SRC: variants seen among roughly 807,000 people sequenced by gnomAD.
SRC encodes proto-oncogene tyrosine-protein kinase Src.
In SRC, 13 loss-of-function variants were observed where a neutral mutation model predicts 62.9. That is an observed-to-expected ratio of 0.21 (90% CI 0.13 to 0.33). SRC has a LOEUF of 0.33. Among genes scored for constraint, SRC ranks in the 10% least tolerant of loss-of-function variants. The pLI is 1.00. For synonymous variants in SRC, 302 were observed against 317.5 expected, an observed-to-expected ratio of 0.95 and a Z score of 0.52; for missense variants, 457 against 737.3, an observed-to-expected ratio of 0.62 and a Z score of 4.40.
At chr20:37,368,530 T>TTTTGTTTTTTTTTG (rs2070106660) in intron 2 of SRC, among the ~76,000 whole-genome samples, 1 of 121,014 alleles carries the variant, frequency 8.3e-6, no homozygotes, top group Admixed American at 8.2e-5. Context: ...TTTTTTTTTT[T>TTTTGTTTTTTTTTG]TTTTTTTTTT....
Position 37,402,191 on chromosome 20 carries a change from A to G in SRC, c.1117-244A>G. ...CACCTCGCTTTCCTGGCTGCATCGG[A>G]TCTCGTGCCTCCCCTTTGACCTTTG... On this transcript the variant is annotated intron_variant, in intron 11 of 13. Transcript: ENST00000373578. This position sits in a 1 kb window ranked among gnomAD's most constrained non-coding sequence, Gnocchi z 6.2. 2.2e-6 allele frequency: 1 copy of G among 456,632 alleles called. No individual in the cohort carries two copies. The highest frequency in any genetic ancestry group is 3.9e-6 in the Non-Finnish European group (1 of 258,890). The allele number at this position is 456,632 out of a possible 1,614,324, so 28.3% of individuals were successfully genotyped here.
At chr20:37,365,642 G>A (rs1022228727) in intron 2 of SRC, among the ~76,000 whole-genome samples, 11 of 151,854 alleles carry the variant, frequency 7.2e-5, no homozygotes, top group Non-Finnish European at 1.3e-4. Flanking sequence ...CTGTAGTGCA[G>A]TGTCACAATC....
chr20:37,373,159 C>CATATAT (rs2070201514), intron 2 of SRC, among the ~76,000 whole-genome samples: 2 of 113,666 alleles, frequency 1.8e-5, no homozygotes, highest in African/African-American at 9.7e-5. Flanking sequence ...TACACACATA[C>CATATAT]ACACATATAT....
chr20:37,349,975 C>G (rs1956440271), intron 1 of SRC, among the ~76,000 whole-genome samples: 4 of 152,234 alleles, frequency 2.6e-5, no homozygotes, highest in Admixed American at 2.6e-4. Flanking sequence ...TGCCAAGTGA[C>G]AGGGCCAGGC....
At chr20:37,346,832 C>T (rs1160736282) in intron 1 of SRC, among the ~76,000 whole-genome samples, 1 of 152,238 alleles carries the variant, frequency 6.6e-6, no homozygotes, top group Non-Finnish European at 1.5e-5. Flanking sequence ...CTGCCCACAG[C>T]CCCCAGCCTC....
Position 37,396,154 on chromosome 20 carries a change from C to T in SRC, c.554-8C>T. On this transcript the variant is annotated splice_region_variant and splice_polypyrimidine_tract_variant and intron_variant, in intron 7 of 13. Transcript: ENST00000373578. The surrounding 1 kb of genome is among the most constrained non-coding windows in gnomAD (Gnocchi z 6.1). ...ATGGCGGTCACGGCTCCCCTCGGTG[C>T]CCCGCAGGTGCCTACTGCCTCTCAG... 1.2e-6 allele frequency: 2 copies of T among 1,610,736 alleles called. No homozygotes were observed. The highest frequency in any genetic ancestry group is 8.5e-7 in the Non-Finnish European group (1 of 1,179,652).
intron 1 of SRC, among the ~76,000 whole-genome samples, chr20:37,354,580 A>AGGCAGG (rs1201033076): frequency 3.0e-4 from 46 of 152,206 alleles, no homozygotes; most frequent in Middle Eastern, 3.4e-3. Flanking sequence ...AAGCCACCCT[A>AGGCAGG]GGCAGGGGCA....
intron 4 of SRC, among the ~76,000 whole-genome samples, chr20:37,385,579 AG>A (rs997735202): frequency 1.3e-4 from 19 of 151,612 alleles, no homozygotes; most frequent in African/African-American, 4.6e-4. Context: ...GGCCTTTCTG[AG>A]GGGGCAGTTA....
chr20:37,378,161 CTTTTTTTTTTT>C (rs770833912), intron 2 of SRC, among the ~76,000 whole-genome samples: 6 of 122,956 alleles, frequency 4.9e-5, no homozygotes, highest in African/African-American at 1.9e-4. Context: ...TCTTTCTTCT[CTTTTTTTTTTT>C]TTTTTTTTGA....
chr20:37,381,178 A>G (rs1012321097), intron 2 of SRC, among the ~76,000 whole-genome samples: 17 of 152,200 alleles, frequency 1.1e-4, no homozygotes, highest in African/African-American at 4.1e-4. Flanking sequence ...CAAACCATCA[A>G]ACATTGCACT....
intron 5 of SRC, among the ~76,000 whole-genome samples, chr20:37,387,700 GC>G (rs1382265809): frequency 6.6e-6 from 1 of 152,232 alleles, no homozygotes; most frequent in Non-Finnish European, 1.5e-5. Flanking sequence ...GCTCTCTGGT[GC>G]ACCTCACTTC....
rs558140442 is a variant in SRC at position 37,393,548 on chromosome 20, C to T, written c.351-347C>T. 4.7e-5 allele frequency among the ~76,000 whole-genome samples: 7 copies of T among 148,478 alleles called. No homozygotes were observed. In the South Asian group the frequency reaches 1.4e-3, roughly 29 times the overall value. On this transcript the variant is annotated intron_variant, in intron 5 of 13. Coordinates refer to ENST00000373578, the MANE Select transcript of SRC (RefSeq NM_198291.3). ...CCTCCCTCCCTCCCAAGGCAGCTCT[C>T]GGCATCTTGAGATGTCTTGGTACAT...
intron 7 of SRC, among the ~76,000 whole-genome samples, chr20:37,395,545 G>A (rs1456435306): frequency 1.3e-5 from 2 of 152,366 alleles, no homozygotes; most frequent in South Asian, 2.1e-4. Context: ...GGCTGGCCCC[G>A]TTTGACCCAG....
At chr20:37,387,104 G>A (rs1340212314) in intron 5 of SRC, among the ~76,000 whole-genome samples, 3 of 152,216 alleles carry the variant, frequency 2.0e-5, no homozygotes, top group Admixed American at 1.3e-4. Flanking sequence ...CTAGAAGGCA[G>A]AGGAGAATCG....
intron 1 of SRC, among the ~76,000 whole-genome samples, chr20:37,356,459 C>T (rs952765461): frequency 6.6e-6 from 1 of 152,076 alleles, no homozygotes; most frequent in Non-Finnish European, 1.5e-5. Context: ...AACAGATGGG[C>T]CTGGAGAGAA....
rs774306236 is a variant in SRC, at chr20:37,379,895, C to CAAA, written c.-172-2710_-172-2708dup. ...TGGGCAATAGAGTGAGACTCCATTTCAAAAAAAAAAAAAAAAGGAAAAGAA... is the reference window on the plus strand; with the variant it reads ...TGGGCAATAGAGTGAGACTCCATTTCAAAAAAAAAAAAAAAAAAAGGAAAAGAA... On this transcript the variant is annotated intron_variant, in intron 2 of 13. Coordinates refer to ENST00000373578, the MANE Select transcript of SRC (RefSeq NM_198291.3). Among the ~76,000 whole-genome samples the CAAA allele has an allele frequency of 4.4e-3, 179 of 41,054 alleles. 1 individual carries two copies. The highest frequency in any genetic ancestry group is 0.012 in the African/African-American group (176 of 14,594). The allele number at this position is 41,054 out of a possible 152,430, so 26.9% of individuals were successfully genotyped here. A position where few individuals can be genotyped will look rare whatever the true frequency, so the allele number is the denominator to read the frequency against.
In SRC at chr20:37,398,002, A is replaced by C. The variant is rs6018284; in HGVS notation, c.859+148A>C. The C allele has an allele frequency of 0.066, 73,491 of 1,107,514 alleles. 5,451 individuals are homozygous for C. The highest frequency in any genetic ancestry group is 0.32 in the African/African-American group (20,202 of 63,008). The allele number at this position is 1,107,514 out of a possible 1,614,324, so 68.6% of individuals were successfully genotyped here. A position where few individuals can be genotyped will look rare whatever the true frequency, so the allele number is the denominator to read the frequency against. ...CTGGAGCTCCCCAGCGGTGGCTGGC[A>C]CCGAGTTGGGTTGTGGCCACCCAAG... On this transcript the variant is annotated intron_variant, in intron 9 of 13. Transcript: ENST00000373578. This position sits in a 1 kb window ranked among gnomAD's most constrained non-coding sequence, Gnocchi z 5.2.
intron 5 of SRC, among the ~76,000 whole-genome samples, chr20:37,390,074 G>A (rs903922631): frequency 1.7e-4 from 26 of 152,192 alleles, no homozygotes; most frequent in African/African-American, 6.3e-4. Flanking sequence ...GGCAAACTGA[G>A]GCTCAGATGA....
At chr20:37,373,462 TAC>T (rs1197759416) in intron 2 of SRC, among the ~76,000 whole-genome samples, 3 of 151,458 alleles carry the variant, frequency 2.0e-5, no homozygotes, top group Non-Finnish European at 4.4e-5. Context: ...TATGCATATA[TAC>T]ACACACACAT....
Sources: allele counts gnomAD v4.1 joint callset (sites outside exome capture counted in the v4.1 genomes callset), GRCh38; gene constraint gnomAD v4.1.1; non-coding constraint Gnocchi (gnomAD v3.1); transcripts MANE v1.5; gene names NCBI Gene and HGNC (gene_info 2026-07-23, HGNC 2026-07-21).